Variants in CCDC102B observed in about 807,000 individuals in gnomAD.
The protein encoded by CCDC102B is coiled-coil domain containing 102B.
Under a neutral mutation model 57.4 loss-of-function variants are expected in CCDC102B, and 75 were observed. That is an observed-to-expected ratio of 1.31 (90% CI 1.08 to 1.58). CCDC102B has a LOEUF of 1.58. Ranked by LOEUF, CCDC102B falls within the 40% of genes most tolerant of loss-of-function variation. The pLI is 0.00. For synonymous variants in CCDC102B, 206 were observed against 201.9 expected (o/e 1.02, Z -0.17); for missense variants, 636 against 582.6 (o/e 1.09, Z -0.94).
At chr18:68,964,232 G>A (rs1192849707) in intron 6 of CCDC102B, among the ~76,000 whole-genome samples, 1 of 151,754 alleles carries the variant, frequency 6.6e-6, no homozygotes, top group Non-Finnish European at 1.5e-5. Flanking sequence ...CTCAATTTTG[G>A]TTGAACAAAT....
intron 6 of CCDC102B, among the ~76,000 whole-genome samples, chr18:68,900,838 G>A (rs1032039799): frequency 6.6e-6 from 1 of 152,064 alleles, no homozygotes; most frequent in African/African-American, 2.4e-5. Context: ...CAGCCAGTTC[G>A]AAGGAAAATC....
At chr18:69,041,128 C>T (rs754324563) in intron 7 of CCDC102B, among the ~76,000 whole-genome samples, 4 of 152,098 alleles carry the variant, frequency 2.6e-5, no homozygotes, top group Non-Finnish European at 4.4e-5. Context: ...GAGTTTAATA[C>T]ATGCAGGTAA....
At chr18:68,923,780 G>A (rs1445120540) in intron 6 of CCDC102B, among the ~76,000 whole-genome samples, 2 of 151,992 alleles carry the variant, frequency 1.3e-5, no homozygotes, top group Non-Finnish European at 2.9e-5. Flanking sequence ...CATCACACAT[G>A]AGTAGTCACC....
intron 2 of CCDC102B, chr18:68,753,558 C>G (rs779655857): frequency 1.3e-5 from 2 of 152,772 alleles, no homozygotes; most frequent in Non-Finnish European, 2.9e-5. Flanking sequence ...TCTCTCTCCT[C>G]TCTCTCTCTT....
chr18:68,764,612 C>T (rs374669267), intron 2 of CCDC102B, among the ~76,000 whole-genome samples: 2 of 152,230 alleles, frequency 1.3e-5, no homozygotes, highest in East Asian at 1.9e-4. Flanking sequence ...TATAGGCAGA[C>T]TTGTAAAGAA....
intron 1 of CCDC102B, among the ~76,000 whole-genome samples, chr18:68,803,087 TTTA>T (rs1392719072): frequency 6.6e-6 from 1 of 152,220 alleles, no homozygotes. Context: ...AAACTGTTTC[TTTA>T]TTAATTTTAA....
intron 5 of CCDC102B, among the ~76,000 whole-genome samples, chr18:68,881,322 G>T (rs1406025661): frequency 6.6e-6 from 1 of 152,138 alleles, no homozygotes; most frequent in Non-Finnish European, 1.5e-5. Flanking sequence ...TAGAGCTAAT[G>T]TTTATGAATA....
At chr18:68,831,763 A>G (rs533558741) in intron 1 of CCDC102B, among the ~76,000 whole-genome samples, 2 of 152,200 alleles carry the variant, frequency 1.3e-5, no homozygotes, top group Non-Finnish European at 2.9e-5. Flanking sequence ...CATTTACTGT[A>G]ATGGTTTCAT....
At chr18:69,025,434 G>T (rs11874149) in intron 7 of CCDC102B, among the ~76,000 whole-genome samples, 123,960 of 152,146 alleles carry the variant, frequency 0.81, 52,996 homozygotes, top group Non-Finnish European at 0.95. Flanking sequence ...AGCTTTGGAT[G>T]TAAGTGTTCA....
At chr18:68,788,484 C>G (rs937176039) in intron 2 of CCDC102B, among the ~76,000 whole-genome samples, 1 of 151,408 alleles carries the variant, frequency 6.6e-6, no homozygotes, top group East Asian at 1.9e-4. Context: ...GTAGGTCGCT[C>G]AGGACTTGCT....
At chr18:68,757,941 A>C (rs1026548186) in intron 2 of CCDC102B, among the ~76,000 whole-genome samples, 3 of 151,660 alleles carry the variant, frequency 2.0e-5, no homozygotes, top group Non-Finnish European at 4.4e-5. Context: ...AGATGGTTAG[A>C]ATTAATTTAC....
intron 2 of CCDC102B, among the ~76,000 whole-genome samples, chr18:68,775,589 T>G (rs2034783380): frequency 6.6e-6 from 1 of 151,610 alleles, no homozygotes; most frequent in African/African-American, 2.4e-5. Context: ...GGTATTTCCA[T>G]CAGGAAACGT....
intron 7 of CCDC102B, among the ~76,000 whole-genome samples, chr18:69,047,493 C>A (rs1200669374): frequency 6.6e-6 from 1 of 152,058 alleles, no homozygotes; most frequent in African/African-American, 2.4e-5. Flanking sequence ...GATAAAGATG[C>A]CTTGTCTCAC....
At chr18:68,951,330 A>G (rs910099881) in intron 6 of CCDC102B, among the ~76,000 whole-genome samples, 2 of 152,196 alleles carry the variant, frequency 1.3e-5, no homozygotes, top group African/African-American at 4.8e-5. Flanking sequence ...AAATTGGAGT[A>G]GTAAGCAGAC....
intron 1 of CCDC102B, among the ~76,000 whole-genome samples, chr18:68,808,845 T>G (rs1599492635): frequency 6.6e-6 from 1 of 152,278 alleles, no homozygotes; most frequent in East Asian, 1.9e-4. Flanking sequence ...AATGATTGGT[T>G]TAATGCCTTT....
At chr18:68,946,598 C>A (rs2049546846) in intron 6 of CCDC102B, among the ~76,000 whole-genome samples, 1 of 151,896 alleles carries the variant, frequency 6.6e-6, no homozygotes, top group African/African-American at 2.4e-5. Context: ...TGCTTTAGGG[C>A]AGTTTTTCAA....
intron 2 of CCDC102B, among the ~76,000 whole-genome samples, chr18:68,733,505 TA>T (rs1169959517): frequency 1.6e-4 from 13 of 81,676 alleles, no homozygotes; most frequent in African/African-American, 9.8e-4. Context: ...TATATATATA[TA>T]TTTTTTTAAC....
chr18:68,732,337 T>G (rs2032910653), intron 2 of CCDC102B, among the ~76,000 whole-genome samples: 1 of 151,420 alleles, frequency 6.6e-6, no homozygotes, highest in Non-Finnish European at 1.5e-5. Context: ...CTTGAAGGCC[T>G]TCTTTTTTTT....
intron 4 of CCDC102B, among the ~76,000 whole-genome samples, chr18:68,871,976 G>C (rs2039256862): frequency 6.6e-6 from 1 of 152,194 alleles, no homozygotes; most frequent in Admixed American, 6.5e-5. Flanking sequence ...CAGAATAATG[G>C]TGGAAATGGA....
Sources: gnomAD v4.1 joint callset for allele counts (sites outside exome capture counted in the v4.1 genomes callset) on GRCh38, gnomAD v4.1.1 for gene constraint, MANE v1.5 for transcripts, NCBI Gene and HGNC (gene_info 2026-07-23, HGNC 2026-07-21) for gene names.